COL19A1: variants seen among roughly 807,000 people sequenced by gnomAD.
COL19A1 encodes collagen alpha-1(XIX) chain.
Under a neutral mutation model 190.2 loss-of-function variants are expected in COL19A1, and 159 were observed. The observed-to-expected ratio is 0.84, with a 90% CI of 0.73 to 0.95. The LOEUF is 0.95. Ranked by LOEUF, COL19A1 falls within the 40% of genes least tolerant of loss-of-function variation. COL19A1 has a pLI of 0.00. For missense variants in COL19A1, 1,418 were observed against 1,431.9 expected (o/e 0.99, Z 0.16); for synonymous variants, 509 against 458.9 (o/e 1.11, Z -1.39).
At chr6:70,028,689 G>A (rs1198761815) in intron 12 of COL19A1, among the ~76,000 whole-genome samples, 1 of 152,040 alleles carries the variant, frequency 6.6e-6, no homozygotes, top group Non-Finnish European at 1.5e-5. Context: ...AGCTTCTAAG[G>A]CTTTTCAATT....
chr6:70,152,818 C>A (rs1787150732), intron 31 of COL19A1, among the ~76,000 whole-genome samples: 3 of 152,108 alleles, frequency 2.0e-5, no homozygotes, highest in African/African-American at 7.2e-5. Context: ...GGAGTTATAT[C>A]ATTTCAGAAT....
chr6:70,188,999 G>T (rs996719679), intron 47 of COL19A1, among the ~76,000 whole-genome samples: 7 of 152,136 alleles, frequency 4.6e-5, no homozygotes, highest in Non-Finnish European at 7.4e-5. Context: ...CTTGAATAAA[G>T]CCTGTGTAAC....
chr6:70,190,428 C>T (rs1402977341), intron 48 of COL19A1, 47 bp downstream of exon 48: 1 of 1,219,654 alleles, frequency 8.2e-7, no homozygotes, highest in Non-Finnish European at 1.2e-6. Context: ...TGATTCCCAC[C>T]TCCCACCTAC....
At chr6:70,109,768 T>A (rs1014586896) in intron 16 of COL19A1, among the ~76,000 whole-genome samples, 12 of 152,132 alleles carry the variant, frequency 7.9e-5, no homozygotes, top group African/African-American at 2.9e-4. Flanking sequence ...TTAATTTCAG[T>A]CTTGTCTGAA....
intron 6 of COL19A1, among the ~76,000 whole-genome samples, chr6:69,930,843 A>G (rs1210615543): frequency 1.3e-5 from 2 of 152,072 alleles, no homozygotes; most frequent in African/African-American, 4.8e-5. Context: ...TGATCCCACA[A>G]TTTGAGGCTA....
chr6:70,107,708 G>GTCACACTTATTCTAGATAC (rs1289694544), intron 16 of COL19A1, among the ~76,000 whole-genome samples: 1 of 152,140 alleles, frequency 6.6e-6, no homozygotes, highest in East Asian at 1.9e-4. Context: ...CTTTGCATAT[G>GTCACACTTATTCTAGATAC]TCACACTTAT....
chr6:70,178,021 A>T (rs983333041), intron 42 of COL19A1, among the ~76,000 whole-genome samples: 1 of 152,368 alleles, frequency 6.6e-6, no homozygotes, highest in Non-Finnish European at 1.5e-5. Context: ...ATAAGGGGCT[A>T]GCCTGCCACT....
chr6:69,871,415 C>G (rs145307378), intron 1 of COL19A1, among the ~76,000 whole-genome samples: 1 of 152,182 alleles, frequency 6.6e-6, no homozygotes, highest in East Asian at 1.9e-4. Context: ...TAAAAATCAA[C>G]CTACACAGTC....
At chr6:69,893,591 T>C (rs541548538) in intron 2 of COL19A1, among the ~76,000 whole-genome samples, 1 of 152,330 alleles carries the variant, frequency 6.6e-6, no homozygotes, top group South Asian at 2.1e-4. Context: ...AATCTGACTG[T>C]GGCATAACAA....
chr6:69,910,888 C>G (rs1271018472), intron 4 of COL19A1, among the ~76,000 whole-genome samples: 3 of 152,102 alleles, frequency 2.0e-5, no homozygotes, highest in African/African-American at 4.8e-5. Flanking sequence ...TATTTGAGGA[C>G]TAATTAGTTA....
At chr6:70,025,119 C>T (rs1778658460) in intron 12 of COL19A1, among the ~76,000 whole-genome samples, 1 of 151,786 alleles carries the variant, frequency 6.6e-6, no homozygotes, top group South Asian at 2.1e-4. Context: ...CAACCTCCGC[C>T]TCCTGGGTTC....
intron 9 of COL19A1, among the ~76,000 whole-genome samples, chr6:69,955,570 A>T (rs1186686232): frequency 4.2e-4 from 63 of 148,900 alleles, no homozygotes; most frequent in African/African-American, 1.5e-3. Flanking sequence ...TGTGTGTAAG[A>T]GAGAGAAAGA....
At chr6:70,189,463 T>C (rs1583129010) in intron 47 of COL19A1, among the ~76,000 whole-genome samples, 1 of 152,208 alleles carries the variant, frequency 6.6e-6, no homozygotes, top group African/African-American at 2.4e-5. Flanking sequence ...ATTGCCTTTG[T>C]CACAACCGCC....
chr6:69,931,671 T>C (rs977726473), intron 6 of COL19A1, among the ~76,000 whole-genome samples: 3 of 152,116 alleles, frequency 2.0e-5, no homozygotes, highest in Non-Finnish European at 1.5e-5. Flanking sequence ...AAATTAACCT[T>C]AATAACCTTG....
intron 4 of COL19A1, among the ~76,000 whole-genome samples, chr6:69,914,374 A>G (rs1401476670): frequency 6.6e-6 from 1 of 152,218 alleles, no homozygotes; most frequent in Non-Finnish European, 1.5e-5. Context: ...CAGCTGGGAA[A>G]GAAATGACTT....
At chr6:70,141,769 T>C (rs762903644) in intron 20 of COL19A1, 124 bp from the exon 21 acceptor site, 52 of 649,724 alleles carry the variant, frequency 8.0e-5, no homozygotes, top group Non-Finnish European at 1.4e-4. Context: ...CTTGATTTTA[T>C]TGTGTCTTCC....
intron 30 of COL19A1, among the ~76,000 whole-genome samples, chr6:70,150,308 A>G (rs1786971871): frequency 6.6e-6 from 1 of 152,168 alleles, no homozygotes; most frequent in Non-Finnish European, 1.5e-5. Flanking sequence ...TAATGTCTCA[A>G]TCCCATTGAA....
chr6:70,174,412 T>G (rs1252710408), intron 41 of COL19A1, among the ~76,000 whole-genome samples: 8 of 152,014 alleles, frequency 5.3e-5, no homozygotes, highest in Admixed American at 5.2e-4. Context: ...CACCAAAAAT[T>G]AGCCAAGCGT....
At chr6:70,113,134 C>T (rs906475709) in intron 16 of COL19A1, among the ~76,000 whole-genome samples, 1 of 152,052 alleles carries the variant, frequency 6.6e-6, no homozygotes, top group Non-Finnish European at 1.5e-5. Flanking sequence ...CAGTATATGC[C>T]AAGGTGGGGG....
Sources: gnomAD v4.1 joint callset for allele counts (sites outside exome capture counted in the v4.1 genomes callset) on GRCh38, gnomAD v4.1.1 for gene constraint, MANE v1.5 for transcripts, NCBI Gene and HGNC (gene_info 2026-07-23, HGNC 2026-07-21) for gene names.